The following POMT2 variants were observed in gnomAD, a reference collection of about 807,000 sequenced individuals.
POMT2 encodes the protein protein O-mannosyltransferase 2.
Under a neutral mutation model 100.0 loss-of-function variants are expected in POMT2, and 75 were observed. The ratio of observed to expected loss-of-function variants is 0.75; its 90% CI spans 0.62 to 0.91. The LOEUF is 0.91. POMT2 is among the 40% of genes least tolerant of loss of function. POMT2 has a pLI of 0.00. For synonymous variants in POMT2, 378 were observed against 374.1 expected (o/e 1.01, Z -0.12); for missense variants, 940 against 955.1 (o/e 0.98, Z 0.21).
Position 77,285,264 on chromosome 14 carries a change from T to C in POMT2, c.1484+217A>G, listed in dbSNP as rs1034082226. The C allele has an allele frequency of 1.8e-5, 13 of 721,152 alleles. No individual in the cohort carries two copies. The African/African-American group carries it at 2.1e-4, about 12-fold the overall frequency. 44.7% of individuals were successfully genotyped at this position (721,152 alleles called of 1,614,324 possible). ...CAGAGAGTTATTAGCACCAGCCAGA[T>C]GTGAAAATGTTGAACTATCAGAACA... On this transcript the variant is annotated intron_variant, in intron 13 of 20. Transcript: ENST00000261534.
In POMT2 at chr14:77,280,086, G is replaced by A; in HGVS notation, c.1726-6C>T. The A allele has an allele frequency of 6.2e-7, 1 of 1,613,812 alleles. No individual in the cohort carries two copies. The highest frequency in any genetic ancestry group is 8.5e-7 in the Non-Finnish European group (1 of 1,180,010). ...ACCCCTGAGAAGCGTAGGCCCTGTG[G>A]AATAGAGACCACCCTGCTGACCCAG... On this transcript the variant is annotated splice_polypyrimidine_tract_variant and splice_region_variant and intron_variant, in intron 16 of 20. Coordinates refer to ENST00000261534, the MANE Select transcript of POMT2 (RefSeq NM_013382.7).
At chr14:77,279,013 A>G (rs1654192615) in intron 18 of POMT2, 144 bp from the exon 19 acceptor site, 6 of 1,120,372 alleles carry the variant, frequency 5.4e-6, no homozygotes, top group Admixed American at 2.0e-5. Flanking sequence ...CGCTACAGAA[A>G]CTGGAGAGGA....
chr14:77,285,095 G>C, intron 13 of POMT2, 54 bp from the exon 14 acceptor site: 8 of 1,391,492 alleles, frequency 5.7e-6, no homozygotes, highest in South Asian at 1.2e-5. Context: ...ATCCACCAGA[G>C]AGTGACACTG....
In POMT2 at chr14:77,299,553, C is replaced by T. The variant is rs779272258; in HGVS notation, c.825G>A (p.Val275=). The change falls in exon 7 of 21, where the codon GTG becomes GTA. Residue 275 remains valine, a synonymous_variant. Transcript: ENST00000261534. The stretch of plus-strand genomic sequence containing the variant: ...GGACACGAGCAGTCAGGTGTTTTCC[C>T]ACAGTCACCTGCAAACAGAGGCCAG... ...FGDLSLSLVT[V]GKHLTARVLC... 5 of 1,613,984 alleles carry T rather than the reference C, an allele frequency of 3.1e-6. No individual in the cohort carries two copies. Among genetic ancestry groups the T allele is most frequent in the Non-Finnish European group, 4.2e-6 (5 of 1,179,980 alleles).
chr14:77,283,842 G>C lies in POMT2; in HGVS notation c.1608C>G (p.Pro536=). Residue 536 remains proline, a synonymous_variant, in exon 15 of 21, where the codon CCC becomes CCG. Transcript: ENST00000261534. ...LPNISLDVLQ[P]SFPEILLESH... ...ATTCCAGCAAGATCTCAGGAAAACT[G>C]GGCTGTAGCACATCCAGGCTGATGT... 2 of 1,613,220 alleles carry C rather than the reference G, an allele frequency of 1.2e-6. No individual in the cohort carries two copies. The highest frequency in any genetic ancestry group is 1.7e-6 in the Non-Finnish European group (2 of 1,179,200).
At chr14:77,306,156 TTCC>T in intron 3 of POMT2, 178 bp downstream of exon 3, 1 of 1,047,156 alleles carries the variant, frequency 9.5e-7, no homozygotes, top group Non-Finnish European at 1.4e-6. Context: ...TCTTCCCTTC[TTCC>T]TCACCTCAGT....
chr14:77,280,791 G>A (rs952092466), intron 15 of POMT2, among the ~76,000 whole-genome samples: 3 of 152,180 alleles, frequency 2.0e-5, no homozygotes, highest in Non-Finnish European at 2.9e-5. Context: ...GGAGAGAGGG[G>A]ATATAAAATG....
At chr14:77,279,558 G>A (rs1890127184) in intron 18 of POMT2, 1 of 607,424 alleles carries the variant, frequency 1.6e-6, no homozygotes, top group Non-Finnish European at 3.1e-6. Flanking sequence ...CCTGGGGCAA[G>A]TTTCTTAATC....
At chr14:77,282,101 C>A (rs1033419969) in intron 15 of POMT2, among the ~76,000 whole-genome samples, 1 of 152,182 alleles carries the variant, frequency 6.6e-6, no homozygotes. Flanking sequence ...TCATTCTGGA[C>A]CCCTGCGGCA....
rs1056356940 is a variant in POMT2, at chr14:77,304,719, G to A, written c.520C>T (p.Leu174=). The A allele has an allele frequency of 4.4e-6, 7 of 1,595,718 alleles. No homozygotes were observed. The African/African-American group carries it at 5.3e-5, about 12-fold the overall frequency. The change falls in exon 4 of 21, where the codon CTG becomes TTG. Residue 174 remains leucine (L), a synonymous_variant. Transcript: ENST00000261534. ...AAGGTGAGGAGGGCAGCTGTGAGCA[G>A]TGCTGCCGAGAGGGACTTGGACAGA... ...LDLSKSLSAA[L]LTAALLTFDT... is the part of the protein sequence containing the mutation.
rs538159298 is a variant in POMT2, at chr14:77,276,619, G to T, written c.*757C>A. The stretch of plus-strand genomic sequence containing the variant: ...CCCAGGATAGGACATCGTTCCTCCC[G>T]AGTGTCACAGTGTGACAATCCCAAA... On this transcript the variant is annotated 3_prime_UTR_variant, in exon 21 of 21. Coordinates refer to ENST00000261534, the MANE Select transcript of POMT2 (RefSeq NM_013382.7). The T allele has an allele frequency of 1.3e-5, 2 of 152,550 alleles. No homozygotes were observed. Among genetic ancestry groups the T allele is most frequent in the African/African-American group, 4.8e-5 (2 of 41,444 alleles). The allele number at this position is 152,550 out of a possible 1,614,324, so 9.4% of individuals were successfully genotyped here.
intron 5 of POMT2, 44 bp downstream of exon 5, chr14:77,302,791 G>C (rs766180694): frequency 6.5e-7 from 1 of 1,536,958 alleles, no homozygotes; most frequent in African/African-American, 1.4e-5. Flanking sequence ...TTTTGGAGTT[G>C]CCACAGCTTC....
At position 77,298,674 on chromosome 14, in the gene POMT2, C is replaced by T. The variant is rs1233039766; in HGVS notation, c.1006+15G>A. On this transcript the variant is annotated intron_variant, in intron 8 of 20. Coordinates refer to ENST00000261534, the MANE Select transcript of POMT2 (RefSeq NM_013382.7). ...CCTCTGCCTTCTACCTTTGTAATGG[C>T]CCAGAGACACTCACGTTCAGGGATG... 2 of 1,613,400 alleles carry T rather than the reference C, an allele frequency of 1.2e-6. No homozygotes were observed. The highest frequency in any genetic ancestry group is 2.7e-5 in the African/African-American group (2 of 74,934).
chr14:77,284,601 A>T (rs1349666837), intron 14 of POMT2, among the ~76,000 whole-genome samples: 1 of 151,360 alleles, frequency 6.6e-6, no homozygotes. Flanking sequence ...GGGGCGGGGG[A>T]GCGACTCTAC....
chr14:77,297,098 G>A (rs1335051277), intron 8 of POMT2, among the ~76,000 whole-genome samples: 1 of 152,248 alleles, frequency 6.6e-6, no homozygotes, highest in Non-Finnish European at 1.5e-5. Context: ...GGATTAAAGA[G>A]AGGACGACTT....
Position 77,301,207 on chromosome 14 carries a change from G to T in POMT2, c.699C>A (p.Gly233=). Residue 233 remains glycine, a synonymous_variant, in exon 6 of 21, where the codon GGC becomes GGA. Coordinates refer to ENST00000261534, the MANE Select transcript of POMT2 (RefSeq NM_013382.7). The part of the protein sequence containing the change: ...APWWFWLSLT[G]VSLAGALGVK... ...CCCCTAAAGCACCAGCAAGACTAAC[G>T]CCAGTCAGGCTGAGCCAGAACCACC... is the stretch of plus-strand genomic sequence containing the variant. 6.2e-7 allele frequency: 1 copy of T among 1,614,178 alleles called. No individual in the cohort carries two copies. The highest frequency in any genetic ancestry group is 8.5e-7 in the Non-Finnish European group (1 of 1,180,048).
chr14:77,277,333 C>A lies in POMT2; in HGVS notation c.*43G>T, dbSNP rs781132755. 2 of 1,516,690 alleles carry A rather than the reference C, an allele frequency of 1.3e-6. No individual in the cohort carries two copies. The highest frequency in any genetic ancestry group is 2.2e-5 in the South Asian group (2 of 88,912). 94.0% of individuals were successfully genotyped at this position (1,516,690 alleles called of 1,614,324 possible). On this transcript the variant is annotated 3_prime_UTR_variant, in exon 21 of 21. Coordinates refer to ENST00000261534, the MANE Select transcript of POMT2 (RefSeq NM_013382.7). ...CCAGTACTGCTTCCCAGCTGGCTCT[C>A]CTGGGAAGTTCCTGGACCCAGGCTG... is the stretch of plus-strand genomic sequence containing the variant.
chr14:77,287,125 T>C, intron 11 of POMT2: 1 of 390,582 alleles, frequency 2.6e-6, no homozygotes, highest in Non-Finnish European at 4.8e-6. Flanking sequence ...ATTTAGTAGC[T>C]TTGAAGCACT....
intron 11 of POMT2, chr14:77,287,065 A>T (rs1349088827): frequency 1.5e-6 from 1 of 685,466 alleles, no homozygotes; most frequent in Non-Finnish European, 2.2e-6. Flanking sequence ...CATGCCAAGA[A>T]AGGGGCTAAC....
Sources: allele counts gnomAD v4.1 joint callset (sites outside exome capture counted in the v4.1 genomes callset), GRCh38; gene constraint gnomAD v4.1.1; transcripts MANE v1.5; gene names NCBI Gene and HGNC (gene_info 2026-07-23, HGNC 2026-07-21).